UBE3A: variants seen among roughly 807,000 people sequenced by gnomAD.
UBE3A encodes ubiquitin protein ligase E3A.
UBE3A carries 6 observed loss-of-function variants against 83.4 expected under a neutral mutation model. The observed-to-expected ratio is 0.07, with a 90% CI of 0.04 to 0.14. The LOEUF is 0.14. Ranked by LOEUF, UBE3A falls within the 10% of genes least tolerant of loss-of-function variation. UBE3A has a pLI of 1.00. For missense variants in UBE3A, 456 were observed against 1,036.1 expected, an observed-to-expected ratio of 0.44 and a Z score of 7.69; for synonymous variants, 337 against 355.4, an observed-to-expected ratio of 0.95 and a Z score of 0.58.
intron 1 of UBE3A, among the ~76,000 whole-genome samples, chr15:25,427,895 C>A (rs912134158): frequency 1.3e-5 from 2 of 151,104 alleles, no homozygotes; most frequent in Non-Finnish European, 2.9e-5. Flanking sequence ...TGGAATACTA[C>A]TCAGCTATAA....
In UBE3A at chr15:25,370,460, C is replaced by T. The variant is rs2080141449; in HGVS notation, c.1608+106G>A. The T allele has an allele frequency of 7.6e-7, 1 of 1,323,562 alleles. No homozygotes were observed. The highest frequency in any genetic ancestry group is 1.4e-5 in the African/African-American group (1 of 69,178). The allele number at this position is 1,323,562 out of a possible 1,614,324, so 82.0% of individuals were successfully genotyped here. A position where few individuals can be genotyped will look rare whatever the true frequency, so the allele number is the denominator to read the frequency against. ...ATAAGATCAGAAATGTCCATGTGTT[C>T]CTATGCTATATGGTATCATTTTTTT... On this transcript the variant is annotated intron_variant, in intron 6 of 12. Transcript: ENST00000648336. This position sits in a 1 kb window ranked among gnomAD's most constrained non-coding sequence, Gnocchi z 4.2.
intron 4 of UBE3A, among the ~76,000 whole-genome samples, chr15:25,394,886 T>C (rs147826459): frequency 5.2e-4 from 79 of 152,338 alleles, no homozygotes; most frequent in African/African-American, 1.6e-3. Context: ...GCACTGTCAT[T>C]AGGCTTCCAT....
intron 11 of UBE3A, among the ~76,000 whole-genome samples, chr15:25,348,552 A>G (rs2076052377): frequency 6.6e-6 from 1 of 152,222 alleles, no homozygotes; most frequent in African/African-American, 2.4e-5. Context: ...TGATTTGTAG[A>G]TGACATAGCT....
chr15:25,364,307 AT>A (rs943314027), intron 6 of UBE3A, among the ~76,000 whole-genome samples: 1 of 152,088 alleles, frequency 6.6e-6, no homozygotes, highest in Non-Finnish European at 1.5e-5. Context: ...AGCAATAACC[AT>A]TTTGATAAAG....
At chr15:25,417,200 A>G (rs1236539987) in intron 1 of UBE3A, among the ~76,000 whole-genome samples, 3 of 152,112 alleles carry the variant, frequency 2.0e-5, no homozygotes, top group African/African-American at 7.2e-5. Flanking sequence ...GAACACGGTG[A>G]CACTGGGAGC....
In UBE3A at chr15:25,371,891, A is replaced by T; in HGVS notation, c.362-79T>A. On this transcript the variant is annotated intron_variant, in intron 5 of 12. Coordinates refer to ENST00000648336, the MANE Select transcript of UBE3A (RefSeq NM_130839.5). This position sits in a 1 kb window ranked among gnomAD's most constrained non-coding sequence, Gnocchi z 5.3. ...CTCTGTTGCAAAAAGTTCTAAAAGT[A>T]AAACAGCCAAACATTCTAGGCTCAA... The T allele has an allele frequency of 7.4e-7, 1 of 1,348,854 alleles. No individual in the cohort carries two copies. Among genetic ancestry groups the T allele is most frequent in the Non-Finnish European group, 1.0e-6 (1 of 989,334 alleles). 83.6% of individuals were successfully genotyped at this position (1,348,854 alleles called of 1,614,324 possible). A position where few individuals can be genotyped will look rare whatever the true frequency, so the allele number is the denominator to read the frequency against.
intron 1 of UBE3A, among the ~76,000 whole-genome samples, chr15:25,434,103 C>T (rs1013341569): frequency 1.3e-5 from 2 of 151,978 alleles, no homozygotes; most frequent in African/African-American, 4.8e-5. Flanking sequence ...AAAGAAAATG[C>T]TAACTTTACT....
intron 1 of UBE3A, among the ~76,000 whole-genome samples, chr15:25,430,524 A>G (rs1466145685): frequency 6.6e-6 from 1 of 151,042 alleles, no homozygotes; most frequent in Non-Finnish European, 1.5e-5. Flanking sequence ...CTCCCCTCCT[A>G]GGAATGCCAT....
chr15:25,341,882 C>T (rs373955114), intron 11 of UBE3A, among the ~76,000 whole-genome samples: 6 of 151,394 alleles, frequency 4.0e-5, no homozygotes, highest in African/African-American at 1.2e-4. Flanking sequence ...TCTAATATCC[C>T]AACATACTAT....
intron 4 of UBE3A, among the ~76,000 whole-genome samples, chr15:25,380,635 G>C (rs748046940): frequency 6.6e-6 from 1 of 152,086 alleles, no homozygotes; most frequent in Admixed American, 6.6e-5. Context: ...GGAAAGAAAG[G>C]AATTTCCCTG....
intron 6 of UBE3A, 47 bp from the exon 7 acceptor site, chr15:25,360,574 C>G: frequency 6.3e-7 from 1 of 1,596,944 alleles, no homozygotes; most frequent in South Asian, 1.1e-5. Context: ...TTGCTAGTAT[C>G]AGGAAAAAAA....
Position 25,371,190 on chromosome 15 carries a change from G to A in UBE3A, c.984C>T (p.Tyr328=), listed in dbSNP as rs1343255263. The A allele has an allele frequency of 2.5e-6, 4 of 1,614,034 alleles. No individual in the cohort carries two copies. The highest frequency in any genetic ancestry group is 2.7e-5 in the African/African-American group (2 of 74,926). ...TCATTCTCCGAATCTGGTCTGCATT[G>A]TATTTAGACCACAGTCTGATCAGTT... The part of the protein sequence containing the change: ...QGKLIRLWSK[Y]NADQIRRMME... The change falls in exon 6 of 13, where the codon TAC becomes TAT. Residue 328 remains tyrosine, a synonymous_variant. Coordinates refer to ENST00000648336, the MANE Select transcript of UBE3A (RefSeq NM_130839.5). This position sits in a 1 kb window ranked among gnomAD's most constrained non-coding sequence, Gnocchi z 5.3.
intron 6 of UBE3A, among the ~76,000 whole-genome samples, chr15:25,363,141 C>T (rs953604371): frequency 2.6e-5 from 4 of 152,132 alleles, no homozygotes; most frequent in Non-Finnish European, 5.9e-5. Context: ...TGTCCACTTC[C>T]ACTGATCTCT....
chr15:25,432,385 T>C (rs1175241751), intron 1 of UBE3A, among the ~76,000 whole-genome samples: 3 of 152,208 alleles, frequency 2.0e-5, no homozygotes, highest in African/African-American at 7.2e-5. Context: ...TAACAGAAGC[T>C]TGAAATGGAA....
intron 4 of UBE3A, among the ~76,000 whole-genome samples, chr15:25,385,045 G>C (rs762635269): frequency 1.3e-5 from 2 of 152,120 alleles, no homozygotes; most frequent in Non-Finnish European, 2.9e-5. Context: ...CATTGGACTT[G>C]GCAATGATTT....
Position 25,334,227 on chromosome 15 carries a change from A to T in UBE3A, c.*4910T>A, listed in dbSNP as rs1272210741. ...ACAAAAAAAGAATTTTAGAAAAGCTACAATATACAAAATCAATATACAAAA... is the reference window on the plus strand; with the variant it reads ...ACAAAAAAAGAATTTTAGAAAAGCTTCAATATACAAAATCAATATACAAAA... On this transcript the variant is annotated 3_prime_UTR_variant, in exon 13 of 13. Transcript: ENST00000648336. 6.6e-6 allele frequency: 1 copy of T among 152,212 alleles called. No homozygotes were observed. Among genetic ancestry groups the T allele is most frequent in the Non-Finnish European group, 1.5e-5 (1 of 68,036 alleles). 9.4% of individuals were successfully genotyped at this position (152,212 alleles called of 1,614,324 possible).
intron 1 of UBE3A, among the ~76,000 whole-genome samples, chr15:25,424,985 T>C (rs139373427): frequency 1.2e-4 from 19 of 152,194 alleles, no homozygotes; most frequent in African/African-American, 4.1e-4. Context: ...AAAATCCCAG[T>C]TGCATTTTTT....
chr15:25,364,075 A>C (rs866910662), intron 6 of UBE3A, among the ~76,000 whole-genome samples: 30 of 60,734 alleles, frequency 4.9e-4, no homozygotes, highest in Middle Eastern at 8.8e-3. Context: ...AATAAATAAA[A>C]AATAGTGGGG....
intron 4 of UBE3A, among the ~76,000 whole-genome samples, chr15:25,376,245 ATATC>A (rs1156368614): frequency 6.6e-6 from 1 of 152,226 alleles, no homozygotes; most frequent in Non-Finnish European, 1.5e-5. Context: ...TTAACACAGA[ATATC>A]TATCTGGAAT....
Sources: gnomAD v4.1 joint callset for allele counts (sites outside exome capture counted in the v4.1 genomes callset) on GRCh38, gnomAD v4.1.1 for gene constraint, Gnocchi (gnomAD v3.1) non-coding constraint, MANE v1.5 for transcripts, NCBI Gene and HGNC (gene_info 2026-07-23, HGNC 2026-07-21) for gene names.